Variants in MAN1A2 observed in about 807,000 individuals in gnomAD.
The protein encoded by MAN1A2 is mannosyl-oligosaccharide 1,2-alpha-mannosidase IB.
Under a neutral mutation model 75.7 loss-of-function variants are expected in MAN1A2, and 26 were observed. The ratio of observed to expected loss-of-function variants is 0.34; its 90% CI spans 0.25 to 0.48. The LOEUF (loss-of-function observed/expected upper bound fraction) is 0.48. MAN1A2 is among the 20% of genes least tolerant of loss of function. The pLI is 0.99. For missense variants in MAN1A2, 562 were observed against 775.5 expected, an observed-to-expected ratio of 0.72 and a Z score of 3.27; for synonymous variants, 247 against 264.6, an observed-to-expected ratio of 0.93 and a Z score of 0.65.
chr1:117,410,033 A>T (rs1033222922), intron 3 of MAN1A2, among the ~76,000 whole-genome samples: 1 of 151,996 alleles, frequency 6.6e-6, no homozygotes, highest in Admixed American at 6.6e-5. Context: ...GCATATTCTC[A>T]TATATTTAAA....
At chr1:117,383,749 A>AT (rs879757603) in intron 1 of MAN1A2, among the ~76,000 whole-genome samples, 10 of 147,890 alleles carry the variant, frequency 6.8e-5, no homozygotes, top group South Asian at 4.3e-4. Context: ...TTCTTTAAAA[A>AT]TTTTTTTTTT....
chr1:117,454,401 G>GCCTTTCTTCTGGCCATTCTGGCCTTTCT (rs1413063327), intron 6 of MAN1A2, among the ~76,000 whole-genome samples: 3 of 152,134 alleles, frequency 2.0e-5, no homozygotes, highest in Admixed American at 2.0e-4. Flanking sequence ...CATTTACATT[G>GCCTTTCTTCTGGCCATTCTGGCCTTTCT]GGGAACCAAA....
intron 5 of MAN1A2, among the ~76,000 whole-genome samples, chr1:117,421,243 AT>A (rs1648178613): frequency 6.6e-6 from 1 of 152,086 alleles, no homozygotes; most frequent in African/African-American, 2.4e-5. Context: ...GGAAGAGGTT[AT>A]AAGTCATTTA....
At position 117,522,817 on chromosome 1, in the gene MAN1A2, A is replaced by G; in HGVS notation, c.1794-8A>G. The G allele has an allele frequency of 1.9e-6, 3 of 1,607,462 alleles. No individual in the cohort carries two copies. Among genetic ancestry groups the G allele is most frequent in the Non-Finnish European group, 2.5e-6 (3 of 1,176,782 alleles). On this transcript the variant is annotated splice_region_variant and splice_polypyrimidine_tract_variant and intron_variant, in intron 12 of 12. Transcript: ENST00000356554. ...ACTGAAGCTCATTTCTCCCCTTTTT[A>G]TTTTCAGATATTTGTATCTGCTGTT...
At chr1:117,476,396 C>T (rs1427834206) in intron 8 of MAN1A2, among the ~76,000 whole-genome samples, 1 of 151,930 alleles carries the variant, frequency 6.6e-6, no homozygotes, top group Admixed American at 6.6e-5. Context: ...CTTTTGTTGC[C>T]GTTGCTTTTT....
chr1:117,414,646 T>C (rs925506812), intron 3 of MAN1A2, 67 bp from the exon 4 acceptor site: 65 of 757,944 alleles, frequency 8.6e-5, no homozygotes, highest in South Asian at 5.5e-4. Context: ...ATCTTTTTTT[T>C]CCCCCCAAAG....
At chr1:117,520,354 A>C (rs559101868) in intron 12 of MAN1A2, among the ~76,000 whole-genome samples, 1 of 152,146 alleles carries the variant, frequency 6.6e-6, no homozygotes, top group South Asian at 2.1e-4. Context: ...AGGGCATCCA[A>C]ATTAGTAAAG....
chr1:117,499,232 A>G (rs1651127208), intron 10 of MAN1A2, 150 bp from the exon 11 acceptor site: 4 of 457,044 alleles, frequency 8.8e-6, no homozygotes, highest in East Asian at 3.5e-5. Context: ...ATCTTTTAAA[A>G]TGACTCATTT....
intron 1 of MAN1A2, among the ~76,000 whole-genome samples, chr1:117,388,007 AAAT>A (rs200121621): frequency 0.027 from 2,910 of 106,744 alleles, 110 homozygotes; most frequent in African/African-American, 0.099. Flanking sequence ...TATCATCTCC[AAAT>A]ACTATCACTT....
In MAN1A2 at chr1:117,525,097, C is replaced by T. The variant is rs560727976; in HGVS notation, c.*2140C>T. ...CCTTCTTGGTTCTGCAGGAACTTCTCAAGGGATGAGGAGACAGAACCCCTA... is the reference window on the plus strand; with the variant it reads ...CCTTCTTGGTTCTGCAGGAACTTCTTAAGGGATGAGGAGACAGAACCCCTA... On this transcript the variant is annotated 3_prime_UTR_variant, in exon 13 of 13. Transcript: ENST00000356554. 1 of 528,042 alleles carries T rather than the reference C, an allele frequency of 1.9e-6. No individual in the cohort carries two copies. Among genetic ancestry groups the T allele is most frequent in the African/African-American group, 1.9e-5 (1 of 51,918 alleles). 32.7% of individuals were successfully genotyped at this position (528,042 alleles called of 1,614,324 possible).
intron 5 of MAN1A2, among the ~76,000 whole-genome samples, chr1:117,421,625 C>CTATTATGTA (rs1648202301): frequency 6.6e-6 from 1 of 150,872 alleles, no homozygotes; most frequent in Non-Finnish European, 1.5e-5. Flanking sequence ...TTATGTACTA[C>CTATTATGTA]CTTTTTTTTT....
At chr1:117,437,474 A>G (rs1204599990) in intron 5 of MAN1A2, among the ~76,000 whole-genome samples, 1 of 152,194 alleles carries the variant, frequency 6.6e-6, no homozygotes, top group African/African-American at 2.4e-5. Flanking sequence ...TATACACATC[A>G]ATTAATAAAA....
intron 9 of MAN1A2, chr1:117,494,410 T>A (rs1476556308): frequency 6.6e-6 from 1 of 152,116 alleles, no homozygotes; most frequent in Non-Finnish European, 1.5e-5. Flanking sequence ...AAAAGTTGTA[T>A]ATTTTGTATA....
chr1:117,396,077 T>C, intron 1 of MAN1A2, among the ~76,000 whole-genome samples: 1 of 152,238 alleles, frequency 6.6e-6, no homozygotes. Flanking sequence ...TAGAGTTTTA[T>C]GGGGCTTCAT....
At chr1:117,376,540 A>C (rs915228024) in intron 1 of MAN1A2, among the ~76,000 whole-genome samples, 4 of 152,172 alleles carry the variant, frequency 2.6e-5, no homozygotes, top group African/African-American at 9.7e-5. Context: ...TGTTTTTCCA[A>C]CTACCTGCCA....
intron 6 of MAN1A2, among the ~76,000 whole-genome samples, chr1:117,451,266 T>C (rs1451368536): frequency 6.6e-6 from 1 of 152,212 alleles, no homozygotes; most frequent in African/African-American, 2.4e-5. Context: ...CCTGTAGCCC[T>C]TTGTTTTGGC....
At chr1:117,515,161 T>C in intron 12 of MAN1A2, 2 of 173,202 alleles carry the variant, frequency 1.2e-5, no homozygotes, top group Non-Finnish European at 1.2e-5. Context: ...CAACCAAACA[T>C]GGATTGAAGA....
At chr1:117,477,500 C>T (rs183533134) in intron 8 of MAN1A2, among the ~76,000 whole-genome samples, 154 of 152,012 alleles carry the variant, frequency 1.0e-3, no homozygotes, top group Non-Finnish European at 1.6e-3. Flanking sequence ...AATCAATAAA[C>T]ATAATCCATC....
intron 1 of MAN1A2, among the ~76,000 whole-genome samples, chr1:117,400,371 A>G (rs1422805109): frequency 6.6e-6 from 1 of 150,968 alleles, no homozygotes; most frequent in African/African-American, 2.4e-5. Flanking sequence ...ATACTAGATA[A>G]TATTAGATTG....
Sources: gnomAD v4.1 joint callset for allele counts (sites outside exome capture counted in the v4.1 genomes callset) on GRCh38, gnomAD v4.1.1 for gene constraint, MANE v1.5 for transcripts, NCBI Gene and HGNC (gene_info 2026-07-23, HGNC 2026-07-21) for gene names.